The following STAU1 variants were observed in gnomAD, a reference collection of about 807,000 sequenced individuals.
STAU1 encodes the protein staufen double-stranded RNA binding protein 1.
Under a neutral mutation model 62.9 loss-of-function variants are expected in STAU1, and 13 were observed. That is an observed-to-expected ratio of 0.21 (90% CI 0.13 to 0.33). STAU1 has a LOEUF of 0.33. Ranked by LOEUF, STAU1 falls within the 10% of genes least tolerant of loss-of-function variation. STAU1 has a pLI of 1.00. For synonymous variants in STAU1, 269 were observed against 265.1 expected, an observed-to-expected ratio of 1.01 and a Z score of -0.14; for missense variants, 571 against 712.1, an observed-to-expected ratio of 0.80 and a Z score of 2.25.
At chr20:49,196,520 C>T in the STAU1 span, among the ~76,000 whole-genome samples, 2 of 151,438 alleles carry the variant, frequency 1.3e-5, no homozygotes, top group African/African-American at 4.9e-5. Flanking sequence ...GGTGTGGCAG[C>T]TCACGCCTGT....
intron 1 of STAU1, among the ~76,000 whole-genome samples, chr20:49,180,525 T>C (rs934196245): frequency 5.3e-5 from 8 of 152,206 alleles, no homozygotes; most frequent in African/African-American, 1.9e-4. Context: ...GGTTTCACCA[T>C]GTTGGCCAGG....
chr20:49,198,818 C>T, the STAU1 span, among the ~76,000 whole-genome samples: 1 of 150,740 alleles, frequency 6.6e-6, no homozygotes, highest in Non-Finnish European at 1.5e-5. Flanking sequence ...AAAAAATTAG[C>T]TGGGCATGGT....
chr20:49,171,122 CATG>C (rs2093591604), intron 2 of STAU1, among the ~76,000 whole-genome samples: 1 of 152,204 alleles, frequency 6.6e-6, no homozygotes, highest in African/African-American at 2.4e-5. Context: ...TCAGCAATCA[CATG>C]TAAATCTATT....
Position 49,151,740 on chromosome 20 carries a change from A to T in STAU1, c.352T>A (p.Tyr118Asn). The T allele has an allele frequency of 6.2e-7, 1 of 1,608,734 alleles. No individual in the cohort carries two copies. The change falls in exon 5 of 14, where the codon TAC (tyrosine) becomes AAC (asparagine). Residue 118 changes from tyrosine (Y) to asparagine (N), a missense_variant. Physicochemically the swap from Tyr to Asn is moderately radical, Grantham distance 143. Around this residue, in one of 3 missense-constraint regions of STAU1, gnomAD observed 414 missense variants for 499.6 expected, o/e 0.83. Coordinates refer to ENST00000371856, the MANE Select transcript of STAU1 (RefSeq NM_017453.4). ...RGGAYPPRYFYPFPVPPLLYQ... is the reference protein window; with the variant it reads ...RGGAYPPRYFNPFPVPPLLYQ... Reference sequence around the variant, plus strand: ...AGTAAAGGTGGAACTGGAAATGGGTAAAAGTACCTAGAAATAAAAGGAGGT... The same window carrying T: ...AGTAAAGGTGGAACTGGAAATGGGTTAAAGTACCTAGAAATAAAAGGAGGT...
the STAU1 span, among the ~76,000 whole-genome samples, chr20:49,218,761 G>A: frequency 6.6e-6 from 1 of 151,310 alleles, no homozygotes; most frequent in African/African-American, 2.4e-5. Flanking sequence ...AAGTTTCGGG[G>A]CTGTGCGCAG....
At chr20:49,164,145 G>A (rs538498449) in intron 3 of STAU1, among the ~76,000 whole-genome samples, 16 of 151,708 alleles carry the variant, frequency 1.1e-4, no homozygotes, top group African/African-American at 3.4e-4. Flanking sequence ...CAGGAGAATC[G>A]CTTGAACCCA....
intron 6 of STAU1, among the ~76,000 whole-genome samples, chr20:49,131,779 G>A (rs2092755135): frequency 6.6e-6 from 1 of 151,110 alleles, no homozygotes; most frequent in Admixed American, 6.6e-5. Flanking sequence ...GGAGGCAGAG[G>A]TTGCAGTGAG....
chr20:49,154,683 G>A (rs1216515199), intron 3 of STAU1, among the ~76,000 whole-genome samples: 1 of 152,058 alleles, frequency 6.6e-6, no homozygotes, highest in East Asian at 1.9e-4. Context: ...GGCTAACATG[G>A]TGAAACCCTA....
At chr20:49,164,186 C>T (rs1184290708) in intron 3 of STAU1, among the ~76,000 whole-genome samples, 3 of 151,992 alleles carry the variant, frequency 2.0e-5, no homozygotes, top group African/African-American at 7.2e-5. Context: ...GCCAAGATCA[C>T]ACCACTGCAC....
At chr20:49,136,431 T>G (rs947288783) in intron 5 of STAU1, among the ~76,000 whole-genome samples, 3 of 152,190 alleles carry the variant, frequency 2.0e-5, no homozygotes, top group Non-Finnish European at 4.4e-5. Context: ...AAGATACATG[T>G]CCTGTCAAGT....
At chr20:49,203,066 A>G in the STAU1 span, among the ~76,000 whole-genome samples, 2 of 152,136 alleles carry the variant, frequency 1.3e-5, no homozygotes, top group African/African-American at 4.8e-5. Flanking sequence ...GGAAAAAGAA[A>G]TTAGAATAAG....
chr20:49,148,122 C>T (rs1225148849), intron 5 of STAU1, among the ~76,000 whole-genome samples: 1 of 152,174 alleles, frequency 6.6e-6, no homozygotes, highest in Non-Finnish European at 1.5e-5. Flanking sequence ...CTGGTAAAAT[C>T]AAGGGCAGCA....
At chr20:49,135,055 A>T in intron 6 of STAU1, 1 of 1,322,196 alleles carries the variant, frequency 7.6e-7, no homozygotes, top group South Asian at 1.2e-5. Flanking sequence ...AGCCCTGGGC[A>T]GCATTTTCCA....
chr20:49,160,813 T>G (rs2093436203), intron 3 of STAU1, among the ~76,000 whole-genome samples: 1 of 152,304 alleles, frequency 6.6e-6, no homozygotes, highest in South Asian at 2.1e-4. Flanking sequence ...TCAAACCTTT[T>G]GCCCAGATTG....
chr20:49,206,749 A>ATTTTTTTTTT, the STAU1 span, among the ~76,000 whole-genome samples: 1 of 73,154 alleles, frequency 1.4e-5, no homozygotes, highest in African/African-American at 5.3e-5. Context: ...ATATATATAT[A>ATTTTTTTTTT]TATTTTATTT....
At chr20:49,133,007 A>G (rs539216059) in intron 6 of STAU1, among the ~76,000 whole-genome samples, 1 of 152,332 alleles carries the variant, frequency 6.6e-6, no homozygotes, top group East Asian at 1.9e-4. Flanking sequence ...CAAGCTAGTA[A>G]AAAATTCCTG....
chr20:49,148,692 G>A (rs1183216236), intron 5 of STAU1, among the ~76,000 whole-genome samples: 2 of 152,212 alleles, frequency 1.3e-5, no homozygotes. Context: ...AAGCTCCTCA[G>A]AGATTTCATA....
At chr20:49,147,652 T>C (rs981166071) in intron 5 of STAU1, among the ~76,000 whole-genome samples, 5 of 152,188 alleles carry the variant, frequency 3.3e-5, no homozygotes, top group Admixed American at 2.0e-4. Flanking sequence ...ACTGCAACGA[T>C]GTTCTTCCCG....
At chr20:49,177,753 C>A (rs1188468585) in intron 1 of STAU1, among the ~76,000 whole-genome samples, 4 of 152,032 alleles carry the variant, frequency 2.6e-5, no homozygotes, top group Non-Finnish European at 5.9e-5. Context: ...CTGTTAGAGT[C>A]AGACATAAAG....
Sources: allele counts gnomAD v4.1 joint callset (sites outside exome capture counted in the v4.1 genomes callset), GRCh38; gene constraint gnomAD v4.1.1; regional missense constraint gnomAD v4.1.1; transcripts MANE v1.5; gene names NCBI Gene and HGNC (gene_info 2026-07-23, HGNC 2026-07-21).